Variants in NEK3 observed in about 807,000 individuals in gnomAD.
The protein encoded by NEK3 is NIMA related kinase 3.
NEK3 carries 54 observed loss-of-function variants against 66.0 expected under a neutral mutation model. The ratio of observed to expected loss-of-function variants is 0.82; its 90% CI spans 0.66 to 1.03. The LOEUF is 1.03. Among genes scored for constraint, NEK3 ranks in the 50% least tolerant of loss-of-function variants. The pLI is 0.00. For missense variants in NEK3, 593 were observed against 603.0 expected, an observed-to-expected ratio of 0.98 and a Z score of 0.17; for synonymous variants, 200 against 206.2, an observed-to-expected ratio of 0.97 and a Z score of 0.26.
chr13:52,138,301 C>T (rs1354835351), intron 11 of NEK3, among the ~76,000 whole-genome samples: 3 of 152,172 alleles, frequency 2.0e-5, no homozygotes, highest in Non-Finnish European at 4.4e-5. Flanking sequence ...GTATTACAGG[C>T]GTAAGCCACT....
chr13:52,139,723 A>AC lies in NEK3; in HGVS notation c.927+1296dup, dbSNP rs1422765572. ...AGACCAGCCTGGCCAACATAGCAAA[A>AC]CCCCATCTCTACAAAAAGACAAAAA... On this transcript the variant is annotated intron_variant, in intron 11 of 15. Transcript: ENST00000610828. 2.6e-5 allele frequency among the ~76,000 whole-genome samples: 4 copies of AC among 151,764 alleles called. No individual in the cohort carries two copies. In the East Asian group the frequency reaches 7.8e-4, roughly 29 times the overall value.
At chr13:52,156,962 G>A (rs950882821) in intron 1 of NEK3, 2 of 152,218 alleles carry the variant, frequency 1.3e-5, no homozygotes, top group African/African-American at 4.8e-5. Context: ...CCCATGCAGA[G>A]ATAACCATAA....
At chr13:52,151,045 C>A (rs117278993) in intron 7 of NEK3, 101 bp downstream of exon 7, 2 of 821,786 alleles carry the variant, frequency 2.4e-6, no homozygotes, top group East Asian at 2.7e-5. Flanking sequence ...CCAATATGAT[C>A]CATGCATCTG....
intron 10 of NEK3, among the ~76,000 whole-genome samples, chr13:52,143,338 T>G (rs1956266855): frequency 6.6e-6 from 1 of 151,594 alleles, no homozygotes. Flanking sequence ...ACAAGCAGTT[T>G]TAGGTTCACA....
At chr13:52,145,087 C>T (rs1956283280) in intron 8 of NEK3, among the ~76,000 whole-genome samples, 196 bp from the exon 9 acceptor site, 1 of 152,106 alleles carries the variant, frequency 6.6e-6, no homozygotes, top group African/African-American at 2.4e-5. Context: ...TGATAAAAAG[C>T]TTCCCCATCT....
At chr13:52,149,838 A>G (rs987283908) in intron 7 of NEK3, among the ~76,000 whole-genome samples, 1 of 151,186 alleles carries the variant, frequency 6.6e-6, no homozygotes, top group Non-Finnish European at 1.5e-5. Flanking sequence ...CATTGCACTC[A>G]AGCCTGAGCA....
At chr13:52,155,318 T>C (rs1187648892) in intron 2 of NEK3, among the ~76,000 whole-genome samples, 2 of 152,226 alleles carry the variant, frequency 1.3e-5, no homozygotes, top group Non-Finnish European at 2.9e-5. Context: ...CTATGATACA[T>C]AGTAATGGTC....
chr13:52,144,264 A>G (rs975013178), intron 9 of NEK3, among the ~76,000 whole-genome samples: 3 of 152,078 alleles, frequency 2.0e-5, no homozygotes, highest in African/African-American at 7.2e-5. Flanking sequence ...AAATACAAAA[A>G]AAGTAGCTGG....
chr13:52,154,445 T>A (rs1956374460), intron 2 of NEK3, among the ~76,000 whole-genome samples: 1 of 152,048 alleles, frequency 6.6e-6, no homozygotes, highest in Non-Finnish European at 1.5e-5. Context: ...AATATCAGCC[T>A]AAGTATCACC....
At chr13:52,152,176 C>G (rs796541286) in intron 5 of NEK3, among the ~76,000 whole-genome samples, 3 of 152,130 alleles carry the variant, frequency 2.0e-5, no homozygotes, top group Non-Finnish European at 4.4e-5. Flanking sequence ...TCAAAGGGTA[C>G]AAAGTTTCAG....
At chr13:52,155,935 T>C in intron 2 of NEK3, 140 bp downstream of exon 2, 2 of 483,854 alleles carry the variant, frequency 4.1e-6, no homozygotes, top group Non-Finnish European at 3.7e-6. Flanking sequence ...CTCAAACTCC[T>C]GACCTCAGGT....
chr13:52,137,508 G>C (rs983667035), intron 11 of NEK3, among the ~76,000 whole-genome samples: 8 of 152,230 alleles, frequency 5.3e-5, no homozygotes, highest in Non-Finnish European at 1.0e-4. Flanking sequence ...TAAAGAAAGA[G>C]TAGGCTTGGG....
rs753908743 is a variant in NEK3, at chr13:52,148,408, T to C, written c.603+7A>G. ...GCTGCCTTTTCCATTTTGCACGCCA[T>C]ACTTACTGGATGCTTAAGGGTACAG... On this transcript the variant is annotated splice_region_variant and intron_variant, in intron 8 of 15. Transcript: ENST00000610828. 19 of 1,612,932 alleles carry C rather than the reference T, an allele frequency of 1.2e-5. 1 individual carries two copies. Among genetic ancestry groups the C allele is most frequent in the Non-Finnish European group, 8.5e-7 (1 of 1,179,296 alleles).
At chr13:52,157,312 G>C (rs973798386) in intron 1 of NEK3, 1 of 152,194 alleles carries the variant, frequency 6.6e-6, no homozygotes, top group African/African-American at 2.4e-5. Context: ...AAATGGAATA[G>C]AGTGGAGGCA....
At chr13:52,134,502 T>C (rs1303766603) in intron 14 of NEK3, among the ~76,000 whole-genome samples, 1 of 152,156 alleles carries the variant, frequency 6.6e-6, no homozygotes. Context: ...GGAAGAAAAG[T>C]AGGGAACTGA....
chr13:52,158,804 C>G (rs986422011), intron 1 of NEK3, among the ~76,000 whole-genome samples: 2 of 152,212 alleles, frequency 1.3e-5, no homozygotes, highest in Middle Eastern at 3.2e-3. Flanking sequence ...GTCCCTGAAA[C>G]CACCTTTACA....
chr13:52,142,149 A>AT (rs971469120), intron 10 of NEK3, among the ~76,000 whole-genome samples: 1 of 152,032 alleles, frequency 6.6e-6, no homozygotes, highest in Non-Finnish European at 1.5e-5. Context: ...CTACCTTGAA[A>AT]TTTTTTTGTC....
At chr13:52,147,319 A>C (rs1160507579) in intron 8 of NEK3, among the ~76,000 whole-genome samples, 1 of 152,198 alleles carries the variant, frequency 6.6e-6, no homozygotes, top group Non-Finnish European at 1.5e-5. Context: ...AGATACTTGT[A>C]CACCATTTGT....
At chr13:52,150,378 G>C (rs1167044052) in intron 7 of NEK3, among the ~76,000 whole-genome samples, 1 of 152,144 alleles carries the variant, frequency 6.6e-6, no homozygotes, top group African/African-American at 2.4e-5. Flanking sequence ...AATTTATGAA[G>C]AGTTTAAGTA....
Sources: allele counts gnomAD v4.1 joint callset (sites outside exome capture counted in the v4.1 genomes callset), GRCh38; gene constraint gnomAD v4.1.1; transcripts MANE v1.5; gene names NCBI Gene and HGNC (gene_info 2026-07-23, HGNC 2026-07-21).